Variants in NNT observed in about 807,000 individuals in gnomAD.
The protein encoded by NNT is NAD(P) transhydrogenase, mitochondrial.
NNT carries 50 observed loss-of-function variants against 104.8 expected under a neutral mutation model. That is an observed-to-expected ratio of 0.48 (90% CI 0.38 to 0.60). The LOEUF (loss-of-function observed/expected upper bound fraction) is 0.60. NNT is among the 20% of genes least tolerant of loss of function. The pLI is 0.00. For missense variants in NNT, 1,131 were observed against 1,330.7 expected, an observed-to-expected ratio of 0.85 and a Z score of 2.33; for synonymous variants, 461 against 490.4, an observed-to-expected ratio of 0.94 and a Z score of 0.79.
At chr5:43,675,435 CAT>C (rs1203574822) in intron 17 of NNT, 74 bp from the exon 18 acceptor site, 1 of 1,240,564 alleles carries the variant, frequency 8.1e-7, no homozygotes, top group Non-Finnish European at 1.1e-6. Flanking sequence ...TTCCAAATAT[CAT>C]ATACACAACA....
At position 43,704,596 on chromosome 5, in the gene NNT, A is replaced by G. The variant is rs1056248207; in HGVS notation, c.*192A>G. 14 of 489,912 alleles carry G rather than the reference A, an allele frequency of 2.9e-5. No homozygotes were observed. The highest frequency in any genetic ancestry group is 4.9e-5 in the Non-Finnish European group (14 of 285,914). The allele number at this position is 489,912 out of a possible 1,614,324, so 30.3% of individuals were successfully genotyped here. On this transcript the variant is annotated 3_prime_UTR_variant, in exon 22 of 22. Transcript: ENST00000344920. ...AGTAATCCCTCAATTTTAAAAAAGG[A>G]TTGAAAATTCTAAATGTCTTTCTGT... is the stretch of plus-strand genomic sequence containing the variant.
chr5:43,645,481 C>T lies in NNT; in HGVS notation c.1415C>T (p.Thr472Ile). ...GCTACCATTACACCCTTCAGGAAGA[C>T]AATGTCAACGGCTTCTGCATATACA... ...KAATITPFRK[T>I]MSTASAYTAG... The change falls in exon 10 of 22, where the codon ACA (threonine) becomes ATA (isoleucine). Residue 472 changes from threonine to isoleucine, a missense_variant. Physicochemically the swap from Thr to Ile is moderately conservative, Grantham distance 89. Coordinates refer to ENST00000344920, the MANE Select transcript of NNT (RefSeq NM_182977.3). 6.4e-7 allele frequency: 1 copy of T among 1,565,322 alleles called. No individual in the cohort carries two copies. The highest frequency in any genetic ancestry group is 1.2e-5 in the South Asian group (1 of 83,302).
At position 43,685,024 on chromosome 5, in the gene NNT, CA is replaced by C. The variant is rs201133527; in HGVS notation, c.2876+7219del. ...TTTATTGTATCCACAGTGGAATTTC[CA>C]GCCTGTTTTTGGGACAAAACAGTGT... On this transcript the variant is annotated intron_variant, in intron 19 of 21. Coordinates refer to ENST00000344920, the MANE Select transcript of NNT (RefSeq NM_182977.3). 7.0e-3 allele frequency among the ~76,000 whole-genome samples: 1,065 copies of C among 152,270 alleles called. 3 individuals are homozygous for C. Among genetic ancestry groups the C allele is most frequent in the Non-Finnish European group, 9.8e-3 (664 of 68,000 alleles).
At chr5:43,689,907 G>A (rs906475931) in intron 19 of NNT, among the ~76,000 whole-genome samples, 1 of 151,922 alleles carries the variant, frequency 6.6e-6, no homozygotes, top group African/African-American at 2.4e-5. Flanking sequence ...ACAAACAGAA[G>A]AAAGAACTTC....
intron 12 of NNT, 114 bp downstream of exon 12, chr5:43,650,701 G>A (rs961904293): frequency 1.5e-5 from 10 of 675,304 alleles, no homozygotes; most frequent in Admixed American, 2.9e-5. Flanking sequence ...CACTCTGACC[G>A]TAAATGCTCT....
At chr5:43,665,844 C>T (rs531277100) in intron 17 of NNT, among the ~76,000 whole-genome samples, 2 of 149,450 alleles carry the variant, frequency 1.3e-5, no homozygotes, top group Admixed American at 6.6e-5. Flanking sequence ...GGTGGCTGGC[C>T]GGGCAGGGGC....
At chr5:43,620,527 G>T (rs1413760343) in intron 5 of NNT, among the ~76,000 whole-genome samples, 1 of 151,994 alleles carries the variant, frequency 6.6e-6, no homozygotes, top group Non-Finnish European at 1.5e-5. Flanking sequence ...GCTGCTTCCT[G>T]CTCTTAAGTA....
intron 19 of NNT, among the ~76,000 whole-genome samples, chr5:43,680,551 C>T (rs1741649239): frequency 1.3e-5 from 2 of 152,290 alleles, no homozygotes; most frequent in Admixed American, 1.3e-4. Flanking sequence ...ATATGATTGT[C>T]ATCAATTAGT....
At chr5:43,683,740 A>G (rs912109677) in intron 19 of NNT, among the ~76,000 whole-genome samples, 2 of 152,234 alleles carry the variant, frequency 1.3e-5, no homozygotes, top group African/African-American at 4.8e-5. Context: ...GAAATTATGT[A>G]TAATTTTAAC....
chr5:43,630,916 A>G (rs1395076923), intron 7 of NNT, among the ~76,000 whole-genome samples: 1 of 152,166 alleles, frequency 6.6e-6, no homozygotes, highest in East Asian at 1.9e-4. Context: ...GGAGAATTAG[A>G]ATTTGCTTTG....
intron 2 of NNT, among the ~76,000 whole-genome samples, chr5:43,610,395 T>C (rs1476345336): frequency 6.6e-6 from 1 of 152,072 alleles, no homozygotes; most frequent in Non-Finnish European, 1.5e-5. Flanking sequence ...CATGTAGCTG[T>C]AAGGGAGACT....
At chr5:43,696,668 G>A (rs940669549) in intron 19 of NNT, among the ~76,000 whole-genome samples, 4 of 152,200 alleles carry the variant, frequency 2.6e-5, no homozygotes, top group Non-Finnish European at 5.9e-5. Flanking sequence ...TGGGCATCCA[G>A]GTGTTTCTAT....
intron 19 of NNT, among the ~76,000 whole-genome samples, chr5:43,691,002 T>C (rs1561326513): frequency 6.6e-6 from 1 of 152,268 alleles, no homozygotes; most frequent in Non-Finnish European, 1.5e-5. Context: ...GGTCATTTTC[T>C]GTGGTTTATT....
At chr5:43,691,142 CAGGCTGGAGT>C (rs1742260410) in intron 19 of NNT, among the ~76,000 whole-genome samples, 1 of 151,736 alleles carries the variant, frequency 6.6e-6, no homozygotes, top group Non-Finnish European at 1.5e-5. Context: ...CTCTGTCACC[CAGGCTGGAGT>C]GCAGTGGCGC....
chr5:43,702,776 G>T (rs763291644), intron 21 of NNT, 40 bp downstream of exon 21: 12 of 1,422,442 alleles, frequency 8.4e-6, no homozygotes, highest in Non-Finnish European at 1.1e-5. Context: ...ATAATCAAAG[G>T]TCACTTCAAA....
chr5:43,611,158 G>A (rs965212947), intron 2 of NNT, among the ~76,000 whole-genome samples: 1 of 145,868 alleles, frequency 6.9e-6, no homozygotes, highest in Non-Finnish European at 1.5e-5. Flanking sequence ...TCCAAACAGG[G>A]TCCACACATT....
intron 10 of NNT, 173 bp downstream of exon 10, chr5:43,645,683 C>CTCTCTCTCTA (rs1386181675): frequency 4.4e-5 from 2 of 45,742 alleles, no homozygotes; most frequent in Non-Finnish European, 7.3e-5. Context: ...CTCTCTCTCT[C>CTCTCTCTCTA]TATATATATA....
intron 12 of NNT, among the ~76,000 whole-genome samples, chr5:43,651,501 C>T (rs912927422): frequency 1.3e-5 from 2 of 152,044 alleles, no homozygotes; most frequent in African/African-American, 4.8e-5. Flanking sequence ...TAGCTTGAAC[C>T]TGGGAGGCGG....
intron 19 of NNT, among the ~76,000 whole-genome samples, chr5:43,699,468 C>T (rs1742738444): frequency 1.3e-5 from 2 of 151,568 alleles, no homozygotes; most frequent in South Asian, 4.2e-4. Flanking sequence ...AGTCTCCTGC[C>T]TCAGCCTCCT....
Sources: gnomAD v4.1 joint callset for allele counts (sites outside exome capture counted in the v4.1 genomes callset) on GRCh38, gnomAD v4.1.1 for gene constraint, MANE v1.5 for transcripts, NCBI Gene and HGNC (gene_info 2026-07-23, HGNC 2026-07-21) for gene names.